Variants in TASP1 observed in about 807,000 individuals in gnomAD.
TASP1 encodes the protein taspase 1.
TASP1 carries 16 observed loss-of-function variants against 56.6 expected under a neutral mutation model. That is an observed-to-expected ratio of 0.28 (90% CI 0.19 to 0.43). The LOEUF is 0.43. TASP1 is among the 20% of genes least tolerant of loss of function. The probability of loss-of-function intolerance (pLI) is 1.00; values close to 1 mark genes in which losing one functional copy is unlikely to be tolerated. For synonymous variants in TASP1, 179 were observed against 184.2 expected (o/e 0.97, Z 0.23); for missense variants, 393 against 511.6 (o/e 0.77, Z 2.24).
At chr20:13,246,718 C>A in the TASP1 span, among the ~76,000 whole-genome samples, 7 of 152,202 alleles carry the variant, frequency 4.6e-5, no homozygotes, top group Admixed American at 4.6e-4. Flanking sequence ...TTGTCCAATC[C>A]CCCAGTGCCC....
At chr20:13,241,599 A>G in the TASP1 span, among the ~76,000 whole-genome samples, 1 of 152,132 alleles carries the variant, frequency 6.6e-6, no homozygotes, top group Non-Finnish European at 1.5e-5. Context: ...TAAAAGAGTT[A>G]CCATCTCATG....
the TASP1 span, among the ~76,000 whole-genome samples, chr20:13,366,886 T>A: frequency 0.45 from 68,435 of 150,484 alleles, 17,093 homozygotes; most frequent in East Asian, 0.58. Flanking sequence ...ACACACACAC[T>A]CTCTCTCACA....
Position 13,576,334 on chromosome 20 carries a change from A to AAAGAAAGGAAGAAAGG in TASP1, c.488+4562_488+4563insCCTTTCTTCCTTTCTT, listed in dbSNP as rs1194421122. Among the ~76,000 whole-genome samples, 52 of 134,166 alleles carry AAAGAAAGGAAGAAAGG rather than the reference A, an allele frequency of 3.9e-4. 1 individual carries two copies. The highest frequency in any genetic ancestry group is 1.1e-3 in the African/African-American group (37 of 35,196). 88.0% of individuals were successfully genotyped at this position (134,166 alleles called of 152,430 possible). A position where few individuals can be genotyped will look rare whatever the true frequency, so the allele number is the denominator to read the frequency against. On this transcript the variant is annotated intron_variant, in intron 6 of 13. Coordinates refer to ENST00000337743, the MANE Select transcript of TASP1 (RefSeq NM_017714.3). ...AGAGAGAAAGAAAGAAAAGAGAAAG[A>AAAGAAAGGAAGAAAGG]AAGAAAGGAAGAAAGAAAGAAAGAA...
the TASP1 span, among the ~76,000 whole-genome samples, chr20:13,275,552 C>T: frequency 1.3e-5 from 2 of 152,170 alleles, no homozygotes; most frequent in Non-Finnish European, 2.9e-5. Context: ...CAGACTTGAC[C>T]TCCGTAGCCC....
At chr20:13,567,049 G>A (rs893265594) in intron 7 of TASP1, among the ~76,000 whole-genome samples, 14 of 152,092 alleles carry the variant, frequency 9.2e-5, no homozygotes, top group Non-Finnish European at 1.6e-4. Context: ...ATGGTAGACT[G>A]GATAAAGAAA....
the TASP1 span, among the ~76,000 whole-genome samples, chr20:13,258,473 G>A: frequency 2.6e-5 from 4 of 152,102 alleles, no homozygotes; most frequent in Middle Eastern, 3.2e-3. Context: ...GCTCTCCTTA[G>A]TTACCCACTT....
chr20:13,527,802 A>G (rs898462335), intron 10 of TASP1, among the ~76,000 whole-genome samples: 3 of 152,162 alleles, frequency 2.0e-5, no homozygotes, highest in African/African-American at 7.2e-5. Flanking sequence ...ATTATCTGTT[A>G]ATTTTTGAAA....
the TASP1 span, among the ~76,000 whole-genome samples, chr20:13,326,253 T>C: frequency 3.3e-5 from 5 of 152,198 alleles, no homozygotes; most frequent in African/African-American, 1.2e-4. Flanking sequence ...TTTGGGAAAT[T>C]ATGAAAATAA....
intron 9 of TASP1, among the ~76,000 whole-genome samples, chr20:13,531,891 T>C (rs540184614): frequency 3.9e-5 from 6 of 152,314 alleles, no homozygotes; most frequent in African/African-American, 1.4e-4. Context: ...CTTGAACTCC[T>C]GACTTCAACT....
At chr20:13,441,861 A>G (rs1034433564) in intron 11 of TASP1, among the ~76,000 whole-genome samples, 4 of 152,178 alleles carry the variant, frequency 2.6e-5, no homozygotes, top group African/African-American at 7.2e-5. Context: ...TGGAAGGGAC[A>G]TGAGAGGCAT....
intron 13 of TASP1, among the ~76,000 whole-genome samples, chr20:13,391,883 G>GCATGAACC (rs2041298515): frequency 6.6e-6 from 1 of 151,110 alleles, no homozygotes; most frequent in Admixed American, 6.6e-5. Context: ...CAGGAGAATG[G>GCATGAACC]CATGAACCTG....
At chr20:13,434,003 G>A (rs922666461) in intron 12 of TASP1, among the ~76,000 whole-genome samples, 22 of 152,016 alleles carry the variant, frequency 1.4e-4, no homozygotes, top group Admixed American at 8.5e-4. Flanking sequence ...CAAGTGATAC[G>A]TATTCCTGAT....
the TASP1 span, chr20:13,239,319 T>C: frequency 6.6e-6 from 1 of 152,348 alleles, no homozygotes; most frequent in South Asian, 2.1e-4. Flanking sequence ...GTTCTTTCAC[T>C]TCTTATTCAC....
the TASP1 span, among the ~76,000 whole-genome samples, chr20:13,258,091 G>A: frequency 6.6e-6 from 1 of 152,230 alleles, no homozygotes; most frequent in South Asian, 2.1e-4. Context: ...TGGTATTATA[G>A]CTGCTATTTC....
chr20:13,206,163 C>T, the TASP1 span, among the ~76,000 whole-genome samples: 1 of 152,120 alleles, frequency 6.6e-6, no homozygotes, highest in Non-Finnish European at 1.5e-5. Context: ...GGGGAGCTGG[C>T]CCTGTGGGTC....
chr20:13,392,401 T>TG (rs2041323655), intron 13 of TASP1, among the ~76,000 whole-genome samples: 1 of 152,214 alleles, frequency 6.6e-6, no homozygotes, highest in Admixed American at 6.5e-5. Context: ...AGCACCCATA[T>TG]GAGCATTTCT....
At chr20:13,313,118 C>T in the TASP1 span, among the ~76,000 whole-genome samples, 14 of 152,314 alleles carry the variant, frequency 9.2e-5, 1 homozygote, top group African/African-American at 1.9e-4. Flanking sequence ...CAATGACTCC[C>T]GCATCCAGGT....
At chr20:13,364,814 G>C in the TASP1 span, among the ~76,000 whole-genome samples, 2 of 152,200 alleles carry the variant, frequency 1.3e-5, no homozygotes, top group Admixed American at 1.3e-4. Context: ...TTCTAAGTAA[G>C]TGTATTCCTC....
chr20:13,524,147 T>C (rs1422347494), intron 10 of TASP1, among the ~76,000 whole-genome samples: 2 of 151,692 alleles, frequency 1.3e-5, no homozygotes, highest in African/African-American at 4.9e-5. Context: ...AGTGAGACTT[T>C]GTCTTTTTTT....
Sources: allele counts gnomAD v4.1 joint callset (sites outside exome capture counted in the v4.1 genomes callset), GRCh38; gene constraint gnomAD v4.1.1; transcripts MANE v1.5; gene names NCBI Gene and HGNC (gene_info 2026-07-23, HGNC 2026-07-21).